SLC39A13: variants seen among roughly 807,000 people sequenced by gnomAD.
SLC39A13 encodes zinc transporter ZIP13.
A neutral mutation model predicts 38.7 loss-of-function variants in SLC39A13; 18 were observed. The observed-to-expected ratio is 0.47, with a 90% CI of 0.32 to 0.69. SLC39A13 has a LOEUF of 0.69. Among genes scored for constraint, SLC39A13 ranks in the 30% least tolerant of loss-of-function variants. The pLI is 0.03. For missense variants in SLC39A13, 395 were observed against 490.7 expected (o/e 0.80, Z 1.84); for synonymous variants, 212 against 219.1 (o/e 0.97, Z 0.29).
intron 4 of SLC39A13, among the ~76,000 whole-genome samples, chr11:47,413,110 C>T (rs533965630): frequency 4.7e-4 from 71 of 152,190 alleles, no homozygotes; most frequent in Middle Eastern, 3.4e-3. Context: ...CAGCTTTCAC[C>T]TCCCAGGTTC....
At chr11:47,414,602 A>C in intron 7 of SLC39A13, 127 bp downstream of exon 7, 2 of 1,491,182 alleles carry the variant, frequency 1.3e-6, no homozygotes, top group Non-Finnish European at 1.8e-6. Flanking sequence ...CTGGGCTGTG[A>C]GGGCTGGAGC....
rs539165797 is a variant in SLC39A13 at position 47,412,023 on chromosome 11, G to C, written c.399G>C (p.Thr133=). 1 of 1,611,472 alleles carries C rather than the reference G, an allele frequency of 6.2e-7. No homozygotes were observed. The change falls in exon 3 of 10, where the codon ACG becomes ACC. Residue 133 remains threonine (T), a synonymous_variant. Coordinates refer to ENST00000362021, the MANE Select transcript of SLC39A13 (RefSeq NM_001128225.3). ...LHLLPEAWAY[T]CSASPGGEGQ... is the part of the protein sequence containing the mutation. Reference sequence around the variant, plus strand: ...TGCTGCCCGAAGCCTGGGCCTACACGTGCAGCGCCAGCCCTGGTAAGTGAG... The same window carrying C: ...TGCTGCCCGAAGCCTGGGCCTACACCTGCAGCGCCAGCCCTGGTAAGTGAG...
chr11:47,410,665 T>C (rs1445061048), intron 2 of SLC39A13, among the ~76,000 whole-genome samples: 1 of 152,126 alleles, frequency 6.6e-6, no homozygotes, highest in Non-Finnish European at 1.5e-5. Context: ...TTGTCCTGAC[T>C]ACCCTTTTGT....
chr11:47,413,969 G>T, intron 6 of SLC39A13: 1 of 692,988 alleles, frequency 1.4e-6, no homozygotes, highest in South Asian at 1.5e-5. Flanking sequence ...CCTCCCTCTG[G>T]CCTCTGGCCT....
chr11:47,412,564 A>T, intron 4 of SLC39A13, 97 bp downstream of exon 4: 1 of 1,593,212 alleles, frequency 6.3e-7, no homozygotes, highest in Middle Eastern at 1.7e-4. Flanking sequence ...CCCTGAAAAG[A>T]GGGGTCTCCT....
Position 47,415,506 on chromosome 11 carries a change from G to C in SLC39A13, c.*143G>C. 2 of 907,846 alleles carry C rather than the reference G, an allele frequency of 2.2e-6. No individual in the cohort carries two copies. The highest frequency in any genetic ancestry group is 3.5e-6 in the Non-Finnish European group (2 of 566,696). The allele number at this position is 907,846 out of a possible 1,614,324, so 56.2% of individuals were successfully genotyped here. Reference sequence around the variant, plus strand: ...GCCAGACAGGAGGGAGGTGCGTGTGGATGTATGTGGTGTGCACATGTGGCC... The same window carrying C: ...GCCAGACAGGAGGGAGGTGCGTGTGCATGTATGTGGTGTGCACATGTGGCC... On this transcript the variant is annotated 3_prime_UTR_variant, in exon 10 of 10. Coordinates refer to ENST00000362021, the MANE Select transcript of SLC39A13 (RefSeq NM_001128225.3).
At chr11:47,414,303 T>C in intron 6 of SLC39A13, 122 bp from the exon 7 acceptor site, 2 of 1,101,798 alleles carry the variant, frequency 1.8e-6, no homozygotes, top group Non-Finnish European at 2.7e-6. Context: ...GTATTTCCAG[T>C]GGCCAACACA....
intron 4 of SLC39A13, 120 bp downstream of exon 4, chr11:47,412,587 G>A (rs2096005262): frequency 1.3e-6 from 2 of 1,539,826 alleles, no homozygotes; most frequent in Non-Finnish European, 1.8e-6. Flanking sequence ...CCCTCTCCTG[G>A]GAGCTGCGGG....
In SLC39A13 at chr11:47,415,400, A is replaced by G. The variant is rs748634251; in HGVS notation, c.*37A>G. The G allele has an allele frequency of 2.5e-6, 4 of 1,609,008 alleles. No individual in the cohort carries two copies. Among genetic ancestry groups the G allele is most frequent in the African/African-American group, 1.3e-5 (1 of 74,938 alleles). On this transcript the variant is annotated 3_prime_UTR_variant, in exon 10 of 10. Transcript: ENST00000362021. ...GCCGACGCCCCTGCCCCCTGCAGCA[A>G]TAAGATGCTCGGATTCACTCTGTGA...
At position 47,416,302 on chromosome 11, in the gene SLC39A13, C is replaced by CATT. The variant is rs1012135574; in HGVS notation, c.*940_*942dup. 4 of 152,764 alleles carry CATT rather than the reference C, an allele frequency of 2.6e-5. No individual in the cohort carries two copies. The highest frequency in any genetic ancestry group is 9.6e-5 in the African/African-American group (4 of 41,474). 9.5% of individuals were successfully genotyped at this position (152,764 alleles called of 1,614,324 possible). A position where few individuals can be genotyped will look rare whatever the true frequency, so the allele number is the denominator to read the frequency against. On this transcript the variant is annotated 3_prime_UTR_variant, in exon 10 of 10. Transcript: ENST00000362021. Reference sequence around the variant, plus strand: ...GAGTGCTGAAGCCATAATCCCCAACCATTTCCCTTGGCTGACGCCCAGGTA... The same window carrying CATT: ...GAGTGCTGAAGCCATAATCCCCAACCATTATTTCCCTTGGCTGACGCCCAGGTA...
rs114239063 is a variant in SLC39A13, at chr11:47,414,354, T to C, written c.736-71T>C. The C allele has an allele frequency of 5.7e-4, 877 of 1,532,672 alleles. 6 individuals carry two copies. The African/African-American group carries it at 0.011, about 19-fold the overall frequency. 94.9% of individuals were successfully genotyped at this position (1,532,672 alleles called of 1,614,324 possible). A position where few individuals can be genotyped will look rare whatever the true frequency, so the allele number is the denominator to read the frequency against. On this transcript the variant is annotated intron_variant, in intron 6 of 9. Transcript: ENST00000362021. ...CAGCTCAGAGCAGAGTAAACCTCTG[T>C]GGAATGAGTGGGCGAGTGGGGTGCT... is the stretch of plus-strand genomic sequence containing the variant.
At chr11:47,407,568 C>T (rs985571646), upstream of SLC39A13, 1 of 152,304 alleles carries the variant, frequency 6.6e-6, no homozygotes, top group Admixed American at 6.5e-5. Context: ...GAATCTTCTC[C>T]TGTACTGGCT....
chr11:47,410,004 G>C, intron 1 of SLC39A13, 83 bp from the exon 2 acceptor site: 2 of 1,542,148 alleles, frequency 1.3e-6, no homozygotes, highest in Admixed American at 1.7e-5. Context: ...GGTCCCTTGC[G>C]GGGAGGAGGG....
intron 8 of SLC39A13, 51 bp downstream of exon 8, chr11:47,414,960 A>T: frequency 6.2e-7 from 1 of 1,605,040 alleles, no homozygotes; most frequent in Non-Finnish European, 8.5e-7. Flanking sequence ...GAGGGGCACC[A>T]GCCAAAGGGT....
In SLC39A13 at chr11:47,415,852, C is replaced by T. The variant is rs2293578; in HGVS notation, c.*489C>T. On this transcript the variant is annotated 3_prime_UTR_variant, in exon 10 of 10. Transcript: ENST00000362021. Reference sequence around the variant, plus strand: ...GGCGGCTTTGGTCCCTTTTCCTGGCCCTTCCTTCCCCACTTCTAAGCCAAA... The same window carrying T: ...GGCGGCTTTGGTCCCTTTTCCTGGCTCTTCCTTCCCCACTTCTAAGCCAAA... 65,494 of 231,064 alleles carry T rather than the reference C, an allele frequency of 0.28. 10,046 individuals carry two copies. The highest frequency in any genetic ancestry group is 0.37 in the Admixed American group (7,237 of 19,530). The allele number at this position is 231,064 out of a possible 1,614,324, so 14.3% of individuals were successfully genotyped here.
rs2010519 is a variant in SLC39A13, at chr11:47,410,177, A to G, written c.83A>G (p.Glu28Gly). Reference protein sequence around the residue: ...FLTALALELLERAGGSQPALR... With the variant: ...FLTALALELLGRAGGSQPALR... ...ACTGCCCTTGCCCTGGAGCTCTTGG[A>G]AAGGGCTGGGGGTTCCCAGCCGGCC... Residue 28 changes from glutamate (E) to glycine (G), a missense_variant, in exon 2 of 10, where the codon GAA (glutamate) becomes GGA (glycine). Physicochemically the swap from Glu to Gly is moderately conservative, Grantham distance 98. Transcript: ENST00000362021. The G allele has an allele frequency of 0.99, 1,598,899 of 1,613,612 alleles. 793,255 individuals are homozygous for G. Among genetic ancestry groups the G allele is most frequent in the East Asian group, 1 (44,858 of 44,858 alleles).
intron 5 of SLC39A13, 44 bp downstream of exon 5, chr11:47,413,551 T>C (rs768773691): frequency 1.1e-5 from 18 of 1,613,840 alleles, no homozygotes; most frequent in Non-Finnish European, 1.1e-5. Flanking sequence ...CTGCCCTGAG[T>C]GGCCAGCCCC....
chr11:47,411,172 G>T (rs2095997246), intron 2 of SLC39A13, among the ~76,000 whole-genome samples: 1 of 152,214 alleles, frequency 6.6e-6, no homozygotes, highest in African/African-American at 2.4e-5. Context: ...AAGCCAAAGG[G>T]TTGGACATGG....
chr11:47,407,821 T>G (rs1269067480), upstream of SLC39A13, among the ~76,000 whole-genome samples: 1 of 152,204 alleles, frequency 6.6e-6, no homozygotes, highest in Admixed American at 6.5e-5. Context: ...GTCAGTAAAT[T>G]GCGGTTATAA....
Sources: gnomAD v4.1 joint callset for allele counts (sites outside exome capture counted in the v4.1 genomes callset) on GRCh38, gnomAD v4.1.1 for gene constraint, MANE v1.5 for transcripts, NCBI Gene and HGNC (gene_info 2026-07-23, HGNC 2026-07-21) for gene names.